Variants in GPATCH11 observed in about 807,000 individuals in gnomAD.
GPATCH11 encodes the protein G patch domain-containing protein 11.
Under a neutral mutation model 44.8 loss-of-function variants are expected in GPATCH11, and 32 were observed. The observed-to-expected ratio is 0.71, with a 90% CI of 0.54 to 0.96. GPATCH11 has a LOEUF of 0.96. Among genes scored for constraint, GPATCH11 ranks in the 40% least tolerant of loss-of-function variants. The probability of loss-of-function intolerance (pLI) is 0.00; values close to 1 mark genes in which losing one functional copy is unlikely to be tolerated. For missense variants in GPATCH11, 324 were observed against 303.1 expected, an observed-to-expected ratio of 1.07 and a Z score of -0.51; for synonymous variants, 84 against 94.4, an observed-to-expected ratio of 0.89 and a Z score of 0.64.
chr2:37,095,715 A>C (rs1256386198), intron 8 of GPATCH11, among the ~76,000 whole-genome samples, 197 bp downstream of exon 8: 3 of 152,186 alleles, frequency 2.0e-5, no homozygotes, highest in Non-Finnish European at 4.4e-5. Context: ...GAATGTGTGG[A>C]AGTGAATTTT....
intron 4 of GPATCH11, 66 bp from the exon 5 acceptor site, chr2:37,091,850 G>C: frequency 6.7e-7 from 1 of 1,494,452 alleles, no homozygotes; most frequent in Non-Finnish European, 9.2e-7. Context: ...TTTGTACATA[G>C]TTAAATCGTC....
rs551138580 is a variant in GPATCH11 at position 37,099,082 on chromosome 2, T to C, written c.*2819T>C. 8.5e-5 allele frequency: 13 copies of C among 152,338 alleles called. No homozygotes were observed. The highest frequency in any genetic ancestry group is 2.6e-4 in the Admixed American group (4 of 15,308). The allele number at this position is 152,338 out of a possible 1,614,324, so 9.4% of individuals were successfully genotyped here. A position where few individuals can be genotyped will look rare whatever the true frequency, so the allele number is the denominator to read the frequency against. Reference sequence around the variant, plus strand: ...TTTAATGTCATGTTGTCATTTACTTTTGTGTATATTGTGCCATGTTTATTT... The same window carrying C: ...TTTAATGTCATGTTGTCATTTACTTCTGTGTATATTGTGCCATGTTTATTT... On this transcript the variant is annotated 3_prime_UTR_variant, in exon 9 of 9. Coordinates refer to ENST00000674370, the MANE Select transcript of GPATCH11 (RefSeq NM_174931.4).
chr2:37,097,419 C>T lies in GPATCH11; in HGVS notation c.*1156C>T, dbSNP rs1015142194. 6.6e-6 allele frequency: 1 copy of T among 152,200 alleles called. No homozygotes were observed. Among genetic ancestry groups the T allele is most frequent in the African/African-American group, 2.4e-5 (1 of 41,454 alleles). The allele number at this position is 152,200 out of a possible 1,614,324, so 9.4% of individuals were successfully genotyped here. ...GAACCTTTTTAAAAGTTCATATGCT[C>T]AGGTGTCTCTCCTAGTGATTGATTT... On this transcript the variant is annotated 3_prime_UTR_variant, in exon 9 of 9. Transcript: ENST00000674370.
chr2:37,094,268 C>G, intron 7 of GPATCH11, 73 bp downstream of exon 7: 1 of 929,278 alleles, frequency 1.1e-6, no homozygotes, highest in Non-Finnish European at 1.7e-6. Flanking sequence ...TGTGGTAATC[C>G]GTTGTTGTGG....
At chr2:37,090,423 A>G (rs1673259830) in intron 3 of GPATCH11, among the ~76,000 whole-genome samples, 1 of 152,192 alleles carries the variant, frequency 6.6e-6, no homozygotes, top group Non-Finnish European at 1.5e-5. Flanking sequence ...TGCACCAATA[A>G]TATCAGTGTT....
intron 2 of GPATCH11, 30 bp downstream of exon 2, chr2:37,088,470 A>G: frequency 1.9e-6 from 2 of 1,050,842 alleles, no homozygotes; most frequent in Non-Finnish European, 2.9e-6. Flanking sequence ...CAGTGCAATG[A>G]TATGTATAAG....
At chr2:37,093,528 G>A (rs1394937160) in intron 6 of GPATCH11, among the ~76,000 whole-genome samples, 1 of 152,076 alleles carries the variant, frequency 6.6e-6, no homozygotes, top group Non-Finnish European at 1.5e-5. Context: ...TGGCACTTAT[G>A]ATTTTGTAGC....
Position 37,097,147 on chromosome 2 carries a change from C to A in GPATCH11, c.*884C>A, listed in dbSNP as rs893992774. ...ATTTAAATATTGTGTGATGCAAGTACTTACTGAATTTGGAAACCCCTTGAT... is the reference window on the plus strand; with the variant it reads ...ATTTAAATATTGTGTGATGCAAGTAATTACTGAATTTGGAAACCCCTTGAT... On this transcript the variant is annotated 3_prime_UTR_variant, in exon 9 of 9. Coordinates refer to ENST00000674370, the MANE Select transcript of GPATCH11 (RefSeq NM_174931.4). The A allele has an allele frequency of 7.9e-5, 12 of 152,130 alleles. No individual in the cohort carries two copies. The highest frequency in any genetic ancestry group is 2.7e-4 in the African/African-American group (11 of 41,428). The allele number at this position is 152,130 out of a possible 1,614,324, so 9.4% of individuals were successfully genotyped here. A position where few individuals can be genotyped will look rare whatever the true frequency, so the allele number is the denominator to read the frequency against.
At position 37,089,624 on chromosome 2, in the gene GPATCH11, C is replaced by G; in HGVS notation, c.60-16C>G. 1 of 1,447,782 alleles carries G rather than the reference C, an allele frequency of 6.9e-7. No individual in the cohort carries two copies. The highest frequency in any genetic ancestry group is 1.2e-5 in the South Asian group (1 of 81,080). The allele number at this position is 1,447,782 out of a possible 1,614,324, so 89.7% of individuals were successfully genotyped here. ...ACTTTATGGACTCATCTAAAATAAA[C>G]TTTTCCCTTATTCAGAGAAGATATC... On this transcript the variant is annotated splice_polypyrimidine_tract_variant and intron_variant, in intron 2 of 8. Coordinates refer to ENST00000674370, the MANE Select transcript of GPATCH11 (RefSeq NM_174931.4).
chr2:37,089,897 C>T, intron 3 of GPATCH11, 31 bp downstream of exon 3: 1 of 1,412,182 alleles, frequency 7.1e-7, no homozygotes, highest in South Asian at 1.2e-5. Context: ...AACAGGTATT[C>T]CTTACCACCT....
chr2:37,088,900 A>G (rs1280004703), intron 2 of GPATCH11, among the ~76,000 whole-genome samples: 1 of 152,182 alleles, frequency 6.6e-6, no homozygotes, highest in South Asian at 2.1e-4. Flanking sequence ...CCATAGAAAG[A>G]TACTAGAATC....
rs1673687858 is a variant in GPATCH11 at position 37,098,296 on chromosome 2, C to T, written c.*2033C>T. 6.7e-6 allele frequency: 1 copy of T among 149,962 alleles called. No individual in the cohort carries two copies. Among genetic ancestry groups the T allele is most frequent in the Admixed American group, 6.7e-5 (1 of 15,034 alleles). The allele number at this position is 149,962 out of a possible 1,614,324, so 9.3% of individuals were successfully genotyped here. On this transcript the variant is annotated 3_prime_UTR_variant, in exon 9 of 9. Coordinates refer to ENST00000674370, the MANE Select transcript of GPATCH11 (RefSeq NM_174931.4). ...TGAGATCATGCTGCTGCACTCCAGCCTGGGTGACAGAGCAAGACCCTGTCT... is the reference window on the plus strand; with the variant it reads ...TGAGATCATGCTGCTGCACTCCAGCTTGGGTGACAGAGCAAGACCCTGTCT...
At chr2:37,091,376 T>A (rs188423073) in intron 4 of GPATCH11, among the ~76,000 whole-genome samples, 15 of 148,318 alleles carry the variant, frequency 1.0e-4, no homozygotes, top group Non-Finnish European at 2.1e-4. Context: ...CTGGGCAACA[T>A]AGCAAGACCT....
Position 37,099,098 on chromosome 2 carries a change from A to G in GPATCH11, c.*2835A>G, listed in dbSNP as rs1350911161. The G allele has an allele frequency of 6.6e-6, 1 of 152,206 alleles. No individual in the cohort carries two copies. The highest frequency in any genetic ancestry group is 6.5e-5 in the Admixed American group (1 of 15,278). The allele number at this position is 152,206 out of a possible 1,614,324, so 9.4% of individuals were successfully genotyped here. ...CATTTACTTTTGTGTATATTGTGCC[A>G]TGTTTATTTTCAAAGTCCTATCTAG... On this transcript the variant is annotated 3_prime_UTR_variant, in exon 9 of 9. Transcript: ENST00000674370.
chr2:37,092,746 TCA>T (rs1410897489), intron 6 of GPATCH11, among the ~76,000 whole-genome samples: 1 of 152,118 alleles, frequency 6.6e-6, no homozygotes, highest in Non-Finnish European at 1.5e-5. Context: ...TATTTGAATA[TCA>T]GTTATGACTA....
intron 6 of GPATCH11, 71 bp downstream of exon 6, chr2:37,092,326 A>T (rs905919978): frequency 1.4e-4 from 32 of 230,290 alleles, no homozygotes; most frequent in African/African-American, 4.1e-4. Context: ...TTTATTTATT[A>T]TATATATATA....
chr2:37,087,416 G>C (rs1480052265), intron 1 of GPATCH11, among the ~76,000 whole-genome samples: 2 of 152,242 alleles, frequency 1.3e-5, no homozygotes, highest in African/African-American at 4.8e-5. Flanking sequence ...GAACCTGCTA[G>C]AAATGCAGAA....
rs1673211291 is a variant in GPATCH11, at chr2:37,089,585, A to AG, written c.60-55_60-54insG. 9 of 1,297,112 alleles carry AG rather than the reference A, an allele frequency of 6.9e-6. No homozygotes were observed. In the Admixed American group the frequency reaches 2.5e-4, roughly 36 times the overall value. The allele number at this position is 1,297,112 out of a possible 1,614,324, so 80.4% of individuals were successfully genotyped here. On this transcript the variant is annotated intron_variant, in intron 2 of 8. Coordinates refer to ENST00000674370, the MANE Select transcript of GPATCH11 (RefSeq NM_174931.4). Reference sequence around the variant, plus strand: ...TCCGTCTCAAAAAATAAAAAAAAAAAAAAAGAAAAGAAAACTTTATGGACT... The same window carrying AG: ...TCCGTCTCAAAAAATAAAAAAAAAAAGAAAAGAAAAGAAAACTTTATGGACT...
In GPATCH11 at chr2:37,089,866, G is replaced by C; in HGVS notation, c.286G>C (p.Gly96Arg). 2 of 1,546,978 alleles carry C rather than the reference G, an allele frequency of 1.3e-6. No individual in the cohort carries two copies. The highest frequency in any genetic ancestry group is 1.7e-6 in the Non-Finnish European group (2 of 1,143,212). ...YKSGQALGKSGGGIVEPIPLN... is the reference protein window; with the variant it reads ...YKSGQALGKSRGGIVEPIPLN... ...AAGTGGTCAGGCACTTGGCAAGAGT[G>C]GTAAGTCACATGTGGAAATAAACAG... The change falls in exon 3 of 9, where the codon GGG becomes CGG. Residue 96 changes from glycine (G) to arginine (R), a missense_variant and splice_region_variant. By Grantham distance (125) the Gly-to-Arg change is moderately radical. Coordinates refer to ENST00000674370, the MANE Select transcript of GPATCH11 (RefSeq NM_174931.4).
Sources: gnomAD v4.1 joint callset for allele counts (sites outside exome capture counted in the v4.1 genomes callset) on GRCh38, gnomAD v4.1.1 for gene constraint, MANE v1.5 for transcripts, NCBI Gene and HGNC (gene_info 2026-07-23, HGNC 2026-07-21) for gene names.